Variants in FARS2 observed in about 807,000 individuals in gnomAD.
The protein encoded by FARS2 is phenylalanine--tRNA ligase, mitochondrial.
In FARS2, 40 loss-of-function variants were observed where a neutral mutation model predicts 46.4. The ratio of observed to expected loss-of-function variants is 0.86; its 90% CI spans 0.67 to 1.12. FARS2 has a LOEUF of 1.12. Among genes scored for constraint, FARS2 ranks in the 50% most tolerant of loss-of-function variants. FARS2 has a pLI of 0.00. For synonymous variants in FARS2, 234 were observed against 214.9 expected, an observed-to-expected ratio of 1.09 and a Z score of -0.78; for missense variants, 513 against 567.9, an observed-to-expected ratio of 0.90 and a Z score of 0.98.
intron 3 of FARS2, among the ~76,000 whole-genome samples, chr6:5,410,032 C>T (rs1234029538): frequency 6.6e-6 from 1 of 152,196 alleles, no homozygotes; most frequent in Non-Finnish European, 1.5e-5. Flanking sequence ...GTCTGTATCA[C>T]AGAACACAGA....
At chr6:5,684,881 G>C (rs1368651722) in intron 6 of FARS2, among the ~76,000 whole-genome samples, 1 of 152,192 alleles carries the variant, frequency 6.6e-6, no homozygotes, top group Non-Finnish European at 1.5e-5. Flanking sequence ...AGCTTCTGAA[G>C]TCATTCAGAT....
chr6:5,576,634 C>CATATATTATATATATG (rs75665515), intron 5 of FARS2, among the ~76,000 whole-genome samples: 80,241 of 145,524 alleles, frequency 0.55, 22,208 homozygotes, highest in Middle Eastern at 0.59. Context: ...CATATATTAA[C>CATATATTATATATATG]ATATATATAT....
upstream of FARS2, among the ~76,000 whole-genome samples, chr6:5,257,743 G>A (rs925496379): frequency 6.6e-6 from 1 of 152,186 alleles, no homozygotes; most frequent in African/African-American, 2.4e-5. Flanking sequence ...ATCTGAGGTG[G>A]AAGAGTTTCA....
chr6:5,278,168 A>G (rs1488179572), intron 1 of FARS2, among the ~76,000 whole-genome samples: 2 of 152,232 alleles, frequency 1.3e-5, no homozygotes, highest in Non-Finnish European at 2.9e-5. Flanking sequence ...GCTGTACCCT[A>G]GCTTGTGTGA....
rs527437433 is a variant in FARS2 at position 5,609,117 on chromosome 6, C to G, written c.1066-4052C>G. 38 of 669,156 alleles carry G rather than the reference C, an allele frequency of 5.7e-5. No individual in the cohort carries two copies. The East Asian group carries it at 1.0e-3, about 18-fold the overall frequency. The allele number at this position is 669,156 out of a possible 1,614,324, so 41.5% of individuals were successfully genotyped here. A position where few individuals can be genotyped will look rare whatever the true frequency, so the allele number is the denominator to read the frequency against. ...TGTCTAAAATATGTCTTCTTTGTAGCAGCTAGGCCCTGCCACCACTGTGCT... is the reference window on the plus strand; with the variant it reads ...TGTCTAAAATATGTCTTCTTTGTAGGAGCTAGGCCCTGCCACCACTGTGCT... On this transcript the variant is annotated intron_variant, in intron 5 of 6. Transcript: ENST00000274680.
intron 1 of FARS2, among the ~76,000 whole-genome samples, chr6:5,358,389 G>A (rs1476044834): frequency 1.3e-5 from 2 of 151,846 alleles, no homozygotes; most frequent in Non-Finnish European, 2.9e-5. Context: ...CCCCAAATAT[G>A]GAATATGTAG....
chr6:5,759,159 C>T (rs1026902099), intron 6 of FARS2, among the ~76,000 whole-genome samples: 1 of 152,118 alleles, frequency 6.6e-6, no homozygotes, highest in African/African-American at 2.4e-5. Flanking sequence ...AAACTCAGAT[C>T]ACAGGGCCTT....
chr6:5,558,063 C>A (rs1771767916), intron 5 of FARS2, among the ~76,000 whole-genome samples: 1 of 151,884 alleles, frequency 6.6e-6, no homozygotes, highest in Admixed American at 6.6e-5. Context: ...ATGGAAAAGT[C>A]AAGGTTCATA....
At chr6:5,492,044 T>C (rs927550989) in intron 4 of FARS2, among the ~76,000 whole-genome samples, 4 of 152,190 alleles carry the variant, frequency 2.6e-5, no homozygotes, top group African/African-American at 9.6e-5. Flanking sequence ...GCAAAAGAAC[T>C]ACCGTTATCT....
chr6:5,691,670 C>T (rs1757729649), intron 6 of FARS2, among the ~76,000 whole-genome samples: 1 of 152,224 alleles, frequency 6.6e-6, no homozygotes, highest in Non-Finnish European at 1.5e-5. Context: ...TGCCTGTTCT[C>T]AGATCTCCAG....
chr6:5,497,508 G>A (rs1767543108), intron 4 of FARS2, among the ~76,000 whole-genome samples: 1 of 152,194 alleles, frequency 6.6e-6, no homozygotes, highest in Non-Finnish European at 1.5e-5. Context: ...TCAGAAAAAT[G>A]AGTAAAAGGA....
At chr6:5,377,237 C>A (rs1461224091) in intron 2 of FARS2, among the ~76,000 whole-genome samples, 1 of 152,176 alleles carries the variant, frequency 6.6e-6, no homozygotes, top group Non-Finnish European at 1.5e-5. Flanking sequence ...GTTCTGTTTT[C>A]CCACTCTCCC....
intron 5 of FARS2, among the ~76,000 whole-genome samples, chr6:5,548,373 T>G (rs1024134349): frequency 1.3e-5 from 2 of 152,254 alleles, no homozygotes; most frequent in South Asian, 2.1e-4. Context: ...ATCTTGAACC[T>G]TTCTATGTAT....
intron 1 of FARS2, among the ~76,000 whole-genome samples, chr6:5,342,755 A>G (rs1025646207): frequency 7.0e-6 from 1 of 143,804 alleles, no homozygotes; most frequent in Non-Finnish European, 1.5e-5. Context: ...TCTGTCTAAG[A>G]AAAAAAAAAA....
intron 1 of FARS2, among the ~76,000 whole-genome samples, chr6:5,302,596 G>C (rs1056270153): frequency 2.0e-5 from 3 of 152,158 alleles, no homozygotes; most frequent in African/African-American, 7.2e-5. Flanking sequence ...TTACAGATGG[G>C]GAGATGAGGC....
chr6:5,651,944 G>A (rs977940825), intron 6 of FARS2, among the ~76,000 whole-genome samples: 1 of 152,144 alleles, frequency 6.6e-6, no homozygotes, highest in African/African-American at 2.4e-5. Context: ...CTGATGACAA[G>A]TTAACACAGC....
rs76787318 is a variant in FARS2, at chr6:5,540,649, A to G, written c.905-4531A>G. On this transcript the variant is annotated intron_variant, in intron 4 of 6. Transcript: ENST00000274680. Reference sequence around the variant, plus strand: ...CTAAAACTCGTTTATGGAGTAGTCAATACTGTGTATGACATTGTGTAGGGA... The same window carrying G: ...CTAAAACTCGTTTATGGAGTAGTCAGTACTGTGTATGACATTGTGTAGGGA... Among the ~76,000 whole-genome samples, 180 of 152,364 alleles carry G rather than the reference A, an allele frequency of 1.2e-3. 1 individual carries two copies. The highest frequency in any genetic ancestry group is 3.9e-3 in the African/African-American group (161 of 41,584).
At chr6:5,628,899 A>G (rs1171697003) in intron 6 of FARS2, among the ~76,000 whole-genome samples, 2 of 152,234 alleles carry the variant, frequency 1.3e-5, no homozygotes, top group African/African-American at 4.8e-5. Context: ...AAACACATGC[A>G]ATTGCAGACT....
At chr6:5,672,998 C>T (rs949644006) in intron 6 of FARS2, among the ~76,000 whole-genome samples, 5 of 152,166 alleles carry the variant, frequency 3.3e-5, no homozygotes, top group African/African-American at 1.2e-4. Context: ...TAACCAAAGA[C>T]CTTTGGGGCT....
Sources: allele counts gnomAD v4.1 joint callset (sites outside exome capture counted in the v4.1 genomes callset), GRCh38; gene constraint gnomAD v4.1.1; transcripts MANE v1.5; gene names NCBI Gene and HGNC (gene_info 2026-07-23, HGNC 2026-07-21).